The following ESRRG variants were observed in gnomAD, a reference collection of about 807,000 sequenced individuals.
ESRRG encodes estrogen-related receptor gamma.
ESRRG carries 13 observed loss-of-function variants against 44.0 expected under a neutral mutation model. The ratio of observed to expected loss-of-function variants is 0.30; its 90% CI spans 0.19 to 0.47. ESRRG has a LOEUF of 0.47. Among genes scored for constraint, ESRRG ranks in the 20% least tolerant of loss-of-function variants. The pLI is 1.00. For missense variants in ESRRG, 395 were observed against 580.6 expected, an observed-to-expected ratio of 0.68 and a Z score of 3.29; for synonymous variants, 215 against 214.6, an observed-to-expected ratio of 1.00 and a Z score of -0.02.
At chr1:216,595,357 C>T (rs1216951023) in intron 3 of ESRRG, among the ~76,000 whole-genome samples, 6 of 152,072 alleles carry the variant, frequency 3.9e-5, no homozygotes, top group Non-Finnish European at 5.9e-5. Flanking sequence ...AAGTAGGAAA[C>T]TCCAACATGG....
At chr1:216,956,391 C>G (rs371281170) in intron 1 of ESRRG, among the ~76,000 whole-genome samples, 1 of 152,014 alleles carries the variant, frequency 6.6e-6, no homozygotes, top group Non-Finnish European at 1.5e-5. Flanking sequence ...GTTATTGGCA[C>G]CTTTGTGGGA....
chr1:217,071,743 A>G (rs1322027676), intron 1 of ESRRG, among the ~76,000 whole-genome samples: 1 of 152,178 alleles, frequency 6.6e-6, no homozygotes, highest in African/African-American at 2.4e-5. Context: ...TTTCTTGGTA[A>G]TCTACATGTG....
intron 5 of ESRRG, among the ~76,000 whole-genome samples, chr1:216,546,450 C>A (rs1294496975): frequency 6.6e-6 from 1 of 152,074 alleles, no homozygotes; most frequent in Non-Finnish European, 1.5e-5. Context: ...CATAGCAATA[C>A]TAGGCCGGCT....
chr1:216,824,360 C>T, intron 2 of ESRRG, among the ~76,000 whole-genome samples: 1 of 152,116 alleles, frequency 6.6e-6, no homozygotes, highest in Non-Finnish European at 1.5e-5. Flanking sequence ...GCAGGAAAAT[C>T]ACTTGAACAG....
chr1:216,948,379 A>G (rs761249251), intron 1 of ESRRG, among the ~76,000 whole-genome samples: 4 of 149,888 alleles, frequency 2.7e-5, no homozygotes, highest in Non-Finnish European at 5.9e-5. Flanking sequence ...CAGGAGGTGT[A>G]GGCAGGAGAA....
intron 2 of ESRRG, among the ~76,000 whole-genome samples, chr1:216,891,808 T>TTC (rs2057831119): frequency 6.7e-6 from 1 of 148,608 alleles, no homozygotes; most frequent in Non-Finnish European, 1.5e-5. Context: ...TTTTTTTTTT[T>TTC]TTTTTTTTTG....
At chr1:216,822,201 A>G (rs2095312415) in intron 2 of ESRRG, among the ~76,000 whole-genome samples, 1 of 152,224 alleles carries the variant, frequency 6.6e-6, no homozygotes, top group Non-Finnish European at 1.5e-5. Flanking sequence ...TGCCCAGCCT[A>G]CATGTAAATA....
chr1:216,556,748 T>C (rs900803892), intron 5 of ESRRG, among the ~76,000 whole-genome samples: 1 of 152,130 alleles, frequency 6.6e-6, no homozygotes, highest in African/African-American at 2.4e-5. Context: ...GCCCTCATAA[T>C]TCAGTTATAG....
intron 1 of ESRRG, among the ~76,000 whole-genome samples, chr1:216,706,017 G>A (rs2999503): frequency 0.85 from 128,890 of 152,118 alleles, 54,655 homozygotes; most frequent in South Asian, 0.9. Flanking sequence ...TGCAATACTA[G>A]AGAAATCATA....
chr1:216,765,773 A>AGT (rs1222278285), intron 2 of ESRRG, among the ~76,000 whole-genome samples: 1 of 152,092 alleles, frequency 6.6e-6, no homozygotes, highest in Non-Finnish European at 1.5e-5. Context: ...TCCTACTGGC[A>AGT]GTGGGGCGTT....
Position 216,816,367 on chromosome 1 carries a change from T to G in ESRRG, c.-14+123215A>C, listed in dbSNP as rs76358274. Among the ~76,000 whole-genome samples, 746 of 152,314 alleles carry G rather than the reference T, an allele frequency of 4.9e-3. 12 individuals carry two copies. Among genetic ancestry groups the G allele is most frequent in the African/African-American group, 0.017 (719 of 41,566 alleles). The stretch of plus-strand genomic sequence containing the variant: ...TTAGCTCAATTTAACCATCCCACAA[T>G]GTACACATATTTCAAAACATGTTGT... On this transcript the variant is annotated intron_variant, in intron 2 of 7. Coordinates refer to the ESRRG transcript ENST00000359162.
chr1:216,807,550 C>A (rs2148411223), intron 2 of ESRRG, among the ~76,000 whole-genome samples: 1 of 151,704 alleles, frequency 6.6e-6, no homozygotes, highest in South Asian at 2.1e-4. Context: ...AATGTTTTTT[C>A]TTTTGGAATA....
intron 1 of ESRRG, among the ~76,000 whole-genome samples, chr1:217,031,734 C>T (rs2082093304): frequency 6.6e-6 from 1 of 152,174 alleles, no homozygotes; most frequent in Non-Finnish European, 1.5e-5. Context: ...CCATGCCATT[C>T]TCACGATGAT....
chr1:217,061,031 T>A (rs10746367), intron 1 of ESRRG, among the ~76,000 whole-genome samples: 147,860 of 151,938 alleles, frequency 0.97, 72,065 homozygotes, highest in Middle Eastern at 1. Flanking sequence ...GACCACAAAA[T>A]ATAATCATAA....
intron 2 of ESRRG, among the ~76,000 whole-genome samples, chr1:216,879,652 A>C (rs2096412305): frequency 6.6e-6 from 1 of 152,202 alleles, no homozygotes; most frequent in Admixed American, 6.5e-5. Context: ...ATATCACCAG[A>C]GAGTTAATGG....
intron 2 of ESRRG, among the ~76,000 whole-genome samples, chr1:216,868,911 G>C (rs1020787312): frequency 6.6e-6 from 1 of 151,892 alleles, no homozygotes. Context: ...TTAAAATTAG[G>C]TTGTTAGTTT....
intron 1 of ESRRG, among the ~76,000 whole-genome samples, chr1:217,039,113 C>T (rs1490298678): frequency 1.3e-5 from 2 of 152,204 alleles, no homozygotes; most frequent in African/African-American, 4.8e-5. Flanking sequence ...ACCACCTCAG[C>T]CTGGACCTTA....
At chr1:216,797,543 G>T (rs1246122564) in intron 2 of ESRRG, among the ~76,000 whole-genome samples, 1 of 152,054 alleles carries the variant, frequency 6.6e-6, no homozygotes, top group South Asian at 2.1e-4. Context: ...CACAGGTTAC[G>T]TAAAGGGGGG....
rs1408083070 is a variant in ESRRG, at chr1:216,519,906, G to A, written c.863-485C>T. 2.6e-5 allele frequency among the ~76,000 whole-genome samples: 4 copies of A among 151,532 alleles called. No homozygotes were observed. In the East Asian group the frequency reaches 7.8e-4, roughly 29 times the overall value. On this transcript the variant is annotated intron_variant, in intron 5 of 6. Coordinates refer to ENST00000408911, the MANE Select transcript of ESRRG (RefSeq NM_001438.4). ...TAGGCCATAGAGCTCAGCACAACTT[G>A]GAAACATTTCTGTATAATATTAATA...
Sources: allele counts gnomAD v4.1 joint callset (sites outside exome capture counted in the v4.1 genomes callset), GRCh38; gene constraint gnomAD v4.1.1; transcripts MANE v1.5; gene names NCBI Gene and HGNC (gene_info 2026-07-23, HGNC 2026-07-21).